NIT2: variants seen among roughly 807,000 people sequenced by gnomAD.
The protein encoded by NIT2 is nitrilase family member 2, also known as omega-amidase NIT2.
A neutral mutation model predicts 42.7 loss-of-function variants in NIT2; 46 were observed. The observed-to-expected ratio is 1.08, with a 90% CI of 0.85 to 1.38. The LOEUF (loss-of-function observed/expected upper bound fraction) is 1.38, where lower values mean the gene tolerates loss of function less well. Ranked by LOEUF, NIT2 falls within the 40% of genes most tolerant of loss-of-function variation. The pLI is 0.00. For synonymous variants in NIT2, 123 were observed against 121.9 expected (o/e 1.01, Z -0.06); for missense variants, 309 against 342.5 (o/e 0.90, Z 0.77).
Position 100,355,291 on chromosome 3 carries a change from C to T in NIT2, c.*23C>T. The T allele has an allele frequency of 6.6e-7, 1 of 1,506,546 alleles. No individual in the cohort carries two copies. The allele number at this position is 1,506,546 out of a possible 1,614,324, so 93.3% of individuals were successfully genotyped here. ...TAAAGTTTATGTTTCTAATGTGTCA[C>T]AGAATAGGACGATATGATTCTACAA... On this transcript the variant is annotated 3_prime_UTR_variant, in exon 10 of 10. Transcript: ENST00000394140.
chr3:100,338,309 C>T (rs1706102653), intron 1 of NIT2, among the ~76,000 whole-genome samples: 1 of 152,184 alleles, frequency 6.6e-6, no homozygotes, highest in Non-Finnish European at 1.5e-5. Context: ...GTTAGCTTTT[C>T]CTTCTGCAGT....
At chr3:100,348,952 G>A in intron 7 of NIT2, 71 bp downstream of exon 7, 1 of 1,302,836 alleles carries the variant, frequency 7.7e-7, no homozygotes, top group Non-Finnish European at 1.1e-6. Flanking sequence ...GTTGGGTGGA[G>A]GTGCCAGCCT....
chr3:100,354,649 T>C, intron 8 of NIT2, 123 bp from the exon 9 acceptor site: 1 of 620,280 alleles, frequency 1.6e-6, no homozygotes. Flanking sequence ...TCTGTACGAC[T>C]ACCTTCTTGT....
chr3:100,347,797 T>C (rs1410347978), intron 6 of NIT2, among the ~76,000 whole-genome samples: 1 of 152,138 alleles, frequency 6.6e-6, no homozygotes, highest in East Asian at 1.9e-4. Context: ...GTATGGAGAT[T>C]TATTGCAAAG....
intron 8 of NIT2, among the ~76,000 whole-genome samples, chr3:100,352,797 G>C (rs904524142): frequency 6.6e-6 from 1 of 152,240 alleles, no homozygotes; most frequent in Non-Finnish European, 1.5e-5. Context: ...CAAGGCAGCA[G>C]TGACAGGCAG....
At position 100,345,596 on chromosome 3, in the gene NIT2, T is replaced by C. The variant is rs754151272; in HGVS notation, c.348T>C (p.Phe116=). The change falls in exon 5 of 10, where the codon TTT becomes TTC. Residue 116 remains phenylalanine, a synonymous_variant. Coordinates refer to ENST00000394140, the MANE Select transcript of NIT2 (RefSeq NM_020202.5). The part of the protein sequence containing the change: ...LLAKYRKIHL[F]DIDVPGKITF... ...TATTTGTGATGCAGATCCATCTGTT[T>C]GACATTGATGTTCCTGGAAAAATTA... 26 of 1,609,928 alleles carry C rather than the reference T, an allele frequency of 1.6e-5. No homozygotes were observed. The highest frequency in any genetic ancestry group is 2.2e-5 in the Non-Finnish European group (26 of 1,176,798).
rs1216640238 is a variant in NIT2 at position 100,352,444 on chromosome 3, G to A, written c.625G>A (p.Ala209Thr). Residue 209 changes from alanine to threonine, a missense_variant, in exon 8 of 10, where the codon GCC (alanine) becomes ACC (threonine). Ala to Thr is a moderately conservative substitution (Grantham distance 58, BLOSUM62 0). Transcript: ENST00000394140. ...NQVYVATASPARDDKASYVAW... is the reference protein window; with the variant it reads ...NQVYVATASPTRDDKASYVAW... Reference sequence around the variant, plus strand: ...GGTGTATGTGGCCACAGCCTCTCCTGCCCGGGATGACAAAGCCTCCTATGT... The same window carrying A: ...GGTGTATGTGGCCACAGCCTCTCCTACCCGGGATGACAAAGCCTCCTATGT... 1.2e-6 allele frequency: 2 copies of A among 1,613,454 alleles called. No homozygotes were observed. The highest frequency in any genetic ancestry group is 1.7e-6 in the Non-Finnish European group (2 of 1,179,566).
chr3:100,348,096 T>C (rs1429778273), intron 6 of NIT2, among the ~76,000 whole-genome samples: 1 of 152,194 alleles, frequency 6.6e-6, no homozygotes, highest in Non-Finnish European at 1.5e-5. Flanking sequence ...TTCATCATGT[T>C]GGCCAGGCTG....
intron 6 of NIT2, among the ~76,000 whole-genome samples, chr3:100,346,871 C>G (rs546585429): frequency 6.6e-6 from 1 of 152,250 alleles, no homozygotes; most frequent in African/African-American, 2.4e-5. Flanking sequence ...TCCAAATAGA[C>G]TGTCACTTAA....
At chr3:100,338,708 G>GCCAT (rs1172844561) in intron 1 of NIT2, among the ~76,000 whole-genome samples, 34 of 152,200 alleles carry the variant, frequency 2.2e-4, no homozygotes, top group African/African-American at 7.9e-4. Context: ...TTTACTTTAA[G>GCCAT]CCATATTCTC....
intron 7 of NIT2, chr3:100,349,765 G>A: frequency 6.6e-6 from 1 of 152,346 alleles, no homozygotes; most frequent in Non-Finnish European, 1.5e-5. Flanking sequence ...CCAGGGCTTT[G>A]CACAAGCATC....
chr3:100,335,946 AG>A (rs1352361593), intron 1 of NIT2, among the ~76,000 whole-genome samples: 1 of 152,190 alleles, frequency 6.6e-6, no homozygotes, highest in Non-Finnish European at 1.5e-5. Flanking sequence ...TGGGAAATGG[AG>A]GGGAGACGTT....
In NIT2 at chr3:100,360,896, C is replaced by G. The variant is rs1370581186; in HGVS notation, c.*5628C>G. 1 of 152,182 alleles carries G rather than the reference C, an allele frequency of 6.6e-6. No individual in the cohort carries two copies. The highest frequency in any genetic ancestry group is 6.5e-5 in the Admixed American group (1 of 15,286). The allele number at this position is 152,182 out of a possible 1,614,324, so 9.4% of individuals were successfully genotyped here. A position where few individuals can be genotyped will look rare whatever the true frequency, so the allele number is the denominator to read the frequency against. On this transcript the variant is annotated 3_prime_UTR_variant, in exon 10 of 10. Transcript: ENST00000394140. ...ATCTGATACAGTCAAAATAGTGTTT[C>G]CCTCTAATGCGAAAGTCAGGCCAGT...
intron 7 of NIT2, among the ~76,000 whole-genome samples, chr3:100,351,943 G>A (rs1260694685): frequency 6.6e-6 from 1 of 151,998 alleles, no homozygotes; most frequent in African/African-American, 2.4e-5. Flanking sequence ...CAAAAAGTGG[G>A]CGAAGGACAT....
chr3:100,346,136 G>T (rs377119938), intron 5 of NIT2, 45 bp from the exon 6 acceptor site: 4 of 1,497,176 alleles, frequency 2.7e-6, no homozygotes, highest in East Asian at 4.5e-5. Context: ...ACACCATGCT[G>T]TAGGGAGTTA....
intron 7 of NIT2, chr3:100,349,108 C>CTT (rs748206956): frequency 0.011 from 2,444 of 227,684 alleles, no homozygotes; most frequent in Middle Eastern, 0.025. Context: ...GGAAACTGTA[C>CTT]TTTTTTTTTT....
At position 100,359,361 on chromosome 3, in the gene NIT2, T is replaced by G. The variant is rs1423768356; in HGVS notation, c.*4093T>G. On this transcript the variant is annotated 3_prime_UTR_variant, in exon 10 of 10. Coordinates refer to ENST00000394140, the MANE Select transcript of NIT2 (RefSeq NM_020202.5). Reference sequence around the variant, plus strand: ...TGTGCTAACTAGGCTTTAAGTCTTTTGTCTGTAGATTCATTCTCAAAGTTT... The same window carrying G: ...TGTGCTAACTAGGCTTTAAGTCTTTGGTCTGTAGATTCATTCTCAAAGTTT... 1 of 152,260 alleles carries G rather than the reference T, an allele frequency of 6.6e-6. No individual in the cohort carries two copies. Among genetic ancestry groups the G allele is most frequent in the African/African-American group, 2.4e-5 (1 of 41,478 alleles). 9.4% of individuals were successfully genotyped at this position (152,260 alleles called of 1,614,324 possible). A position where few individuals can be genotyped will look rare whatever the true frequency, so the allele number is the denominator to read the frequency against.
Position 100,352,443 on chromosome 3 carries a change from T to C in NIT2, c.624T>C (p.Pro208=). Residue 208 remains proline (P), a synonymous_variant, in exon 8 of 10, where the codon CCT becomes CCC. Transcript: ENST00000394140. ...DNQVYVATAS[P]ARDDKASYVA... The stretch of plus-strand genomic sequence containing the variant: ...AGGTGTATGTGGCCACAGCCTCTCC[T>C]GCCCGGGATGACAAAGCCTCCTATG... 2 of 1,613,570 alleles carry C rather than the reference T, an allele frequency of 1.2e-6. No homozygotes were observed. The highest frequency in any genetic ancestry group is 1.1e-5 in the South Asian group (1 of 91,078).
At position 100,359,815 on chromosome 3, in the gene NIT2, T is replaced by C. The variant is rs1706361165; in HGVS notation, c.*4547T>C. On this transcript the variant is annotated 3_prime_UTR_variant, in exon 10 of 10. Transcript: ENST00000394140. ...CCACTTCACTTTGCTGGACTCTACC[T>C]TGAATGCCTCATTTTCAGCTCACAC... 1 of 152,222 alleles carries C rather than the reference T, an allele frequency of 6.6e-6. No individual in the cohort carries two copies. The highest frequency in any genetic ancestry group is 2.4e-5 in the African/African-American group (1 of 41,454). The allele number at this position is 152,222 out of a possible 1,614,324, so 9.4% of individuals were successfully genotyped here.
Sources: gnomAD v4.1 joint callset for allele counts (sites outside exome capture counted in the v4.1 genomes callset) on GRCh38, gnomAD v4.1.1 for gene constraint, MANE v1.5 for transcripts, NCBI Gene and HGNC (gene_info 2026-07-23, HGNC 2026-07-21) for gene names.